MALRD1: variants seen among roughly 807,000 people sequenced by gnomAD.
MALRD1 encodes the protein MAM and LDL-receptor class A domain-containing protein 1.
In MALRD1, 247 loss-of-function variants were observed where a neutral mutation model predicts 242.1. That is an observed-to-expected ratio of 1.02 (90% CI 0.92 to 1.13). The LOEUF (loss-of-function observed/expected upper bound fraction) is 1.13. Among genes scored for constraint, MALRD1 ranks in the 50% most tolerant of loss-of-function variants. The pLI, the probability that MALRD1 is intolerant of heterozygous loss-of-function variation, is 0.00. For missense variants in MALRD1, 2,989 were observed against 2,533.1 expected (o/e 1.18, Z -3.86); for synonymous variants, 995 against 866.6 (o/e 1.15, Z -2.60).
At chr10:19,304,322 G>T (rs962371101) in intron 21 of MALRD1, among the ~76,000 whole-genome samples, 19 of 150,046 alleles carry the variant, frequency 1.3e-4, no homozygotes, top group South Asian at 2.1e-4. Flanking sequence ...CACAATGTCT[G>T]TCTGTCTATC....
Position 19,165,738 on chromosome 10 carries a change from C to T in MALRD1, c.1758C>T (p.Phe586=). The stretch of plus-strand genomic sequence containing the variant: ...AAAAGCAGGGCAAAATAATCAGATT[C>T]TCCGAATCTCAGTGGAGCCACGCAA... ...NLQKQGKIIR[F]SESQWSHAKI... The change falls in exon 13 of 40, where the codon TTC becomes TTT. Residue 586 remains phenylalanine, a synonymous_variant. Coordinates refer to ENST00000454679, the MANE Select transcript of MALRD1 (RefSeq NM_001142308.3). The T allele has an allele frequency of 8.1e-7, 1 of 1,231,652 alleles. No homozygotes were observed. Among genetic ancestry groups the T allele is most frequent in the Non-Finnish European group, 1.0e-6 (1 of 987,942 alleles). The allele number at this position is 1,231,652 out of a possible 1,614,324, so 76.3% of individuals were successfully genotyped here. A position where few individuals can be genotyped will look rare whatever the true frequency, so the allele number is the denominator to read the frequency against.
At chr10:19,099,787 A>G (rs988376889) in intron 4 of MALRD1, among the ~76,000 whole-genome samples, 4 of 149,754 alleles carry the variant, frequency 2.7e-5, no homozygotes, top group Middle Eastern at 3.2e-3. Flanking sequence ...TTTTTGCCAG[A>G]TGGAATCTCA....
intron 33 of MALRD1, among the ~76,000 whole-genome samples, chr10:19,588,220 T>C (rs1837550560): frequency 6.6e-6 from 1 of 152,330 alleles, no homozygotes; most frequent in East Asian, 1.9e-4. Context: ...ATTTATTCCA[T>C]GGAAATAGTC....
chr10:19,480,240 T>A (rs932937125), intron 29 of MALRD1, among the ~76,000 whole-genome samples: 5 of 152,332 alleles, frequency 3.3e-5, no homozygotes, highest in Admixed American at 3.3e-4. Flanking sequence ...CTGTTTAGTG[T>A]GTCTGATATG....
chr10:19,694,326 A>C (rs967792272), intron 38 of MALRD1, among the ~76,000 whole-genome samples: 1 of 152,348 alleles, frequency 6.6e-6, no homozygotes, highest in East Asian at 1.9e-4. Context: ...CAATCTACTC[A>C]TCTGACAAAG....
intron 34 of MALRD1, among the ~76,000 whole-genome samples, chr10:19,596,337 T>A (rs1262465787): frequency 1.3e-5 from 2 of 152,202 alleles, no homozygotes; most frequent in African/African-American, 4.8e-5. Context: ...ATTATATTTT[T>A]GGATGAGTGC....
At chr10:19,719,361 C>T (rs979759635) in intron 38 of MALRD1, among the ~76,000 whole-genome samples, 6 of 149,962 alleles carry the variant, frequency 4.0e-5, no homozygotes, top group East Asian at 3.9e-4. Flanking sequence ...GGAGTGAAGA[C>T]GGAGCTCCCA....
chr10:19,644,762 T>C (rs182082197), intron 36 of MALRD1, among the ~76,000 whole-genome samples: 6 of 152,318 alleles, frequency 3.9e-5, no homozygotes, highest in Admixed American at 3.9e-4. Context: ...AGATGGTGAA[T>C]TTGAGGATTA....
At chr10:19,181,073 A>T (rs1405283705) in intron 14 of MALRD1, among the ~76,000 whole-genome samples, 2 of 152,202 alleles carry the variant, frequency 1.3e-5, no homozygotes, top group Non-Finnish European at 2.9e-5. Context: ...AACACATTTT[A>T]GTAAGAGTGT....
At chr10:19,259,106 C>G (rs567813950) in intron 19 of MALRD1, among the ~76,000 whole-genome samples, 20 of 152,278 alleles carry the variant, frequency 1.3e-4, no homozygotes, top group Admixed American at 6.5e-4. Context: ...CCACATGTTT[C>G]TTTTCAAACT....
chr10:19,499,595 G>C (rs982256087), intron 31 of MALRD1, among the ~76,000 whole-genome samples: 1 of 152,128 alleles, frequency 6.6e-6, no homozygotes, highest in Non-Finnish European at 1.5e-5. Context: ...AATGTCATGA[G>C]CCAATTCCTT....
At chr10:19,211,261 C>T (rs1035102487) in intron 18 of MALRD1, among the ~76,000 whole-genome samples, 8 of 151,862 alleles carry the variant, frequency 5.3e-5, no homozygotes, top group African/African-American at 7.3e-5. Context: ...GTTTGAGACC[C>T]ATGTTGGGTT....
intron 36 of MALRD1, among the ~76,000 whole-genome samples, chr10:19,653,708 C>G (rs1840995102): frequency 6.6e-6 from 1 of 152,052 alleles, no homozygotes; most frequent in African/African-American, 2.4e-5. Context: ...TAATTTCAAA[C>G]TTCTTCTGTA....
At chr10:19,495,253 A>G (rs1325735153) in intron 30 of MALRD1, among the ~76,000 whole-genome samples, 1 of 152,080 alleles carries the variant, frequency 6.6e-6, no homozygotes, top group Non-Finnish European at 1.5e-5. Flanking sequence ...CCGGGATTAC[A>G]GGTATGAGCC....
chr10:19,594,548 G>A (rs1837980699), intron 33 of MALRD1, among the ~76,000 whole-genome samples: 1 of 152,108 alleles, frequency 6.6e-6, no homozygotes, highest in African/African-American at 2.4e-5. Flanking sequence ...GTTTATAGCA[G>A]CACAATTCAC....
intron 36 of MALRD1, among the ~76,000 whole-genome samples, chr10:19,624,878 G>GAAAAAAAAAAAAAAAAAA (rs145042762): frequency 8.3e-6 from 1 of 119,948 alleles, no homozygotes. Flanking sequence ...CTCAAAAAAG[G>GAAAAAAAAAAAAAAAAAA]AAAAAAAAAA....
intron 32 of MALRD1, among the ~76,000 whole-genome samples, chr10:19,562,350 T>C (rs926386042): frequency 6.6e-6 from 1 of 150,634 alleles, no homozygotes; most frequent in Non-Finnish European, 1.5e-5. Context: ...GATAGTTAGA[T>C]AGATAGATAT....
intron 18 of MALRD1, among the ~76,000 whole-genome samples, chr10:19,243,194 C>T (rs922440447): frequency 8.1e-5 from 12 of 149,032 alleles, no homozygotes; most frequent in Non-Finnish European, 8.9e-5. Flanking sequence ...CATAAAAATA[C>T]TCTTGACTTC....
rs1006435430 is a variant in MALRD1 at position 19,242,865 on chromosome 10, A to G, written c.2992-14819A>G. On this transcript the variant is annotated intron_variant, in intron 18 of 39. Coordinates refer to ENST00000454679, the MANE Select transcript of MALRD1 (RefSeq NM_001142308.3). ...AGGCAGCATATAGGTGGGTTTTGCT[A>G]TCTGAATCCATTCATCCACTTTATA... Among the ~76,000 whole-genome samples the G allele has an allele frequency of 3.9e-5, 6 of 152,058 alleles. No individual in the cohort carries two copies. The South Asian group carries it at 6.2e-4, about 16-fold the overall frequency.
Sources: allele counts gnomAD v4.1 joint callset (sites outside exome capture counted in the v4.1 genomes callset), GRCh38; gene constraint gnomAD v4.1.1; transcripts MANE v1.5; gene names NCBI Gene and HGNC (gene_info 2026-07-23, HGNC 2026-07-21).